The following CELF4 variants were observed in gnomAD, a reference collection of about 807,000 sequenced individuals.
CELF4 encodes CUGBP Elav-like family member 4.
In CELF4, 18 loss-of-function variants were observed where a neutral mutation model predicts 59.9. The ratio of observed to expected loss-of-function variants is 0.30; its 90% CI spans 0.21 to 0.45. The LOEUF (loss-of-function observed/expected upper bound fraction) is 0.45. CELF4 is among the 20% of genes least tolerant of loss of function. The probability of loss-of-function intolerance (pLI) is 1.00; values close to 1 mark genes in which losing one functional copy is unlikely to be tolerated. For missense variants in CELF4, 456 were observed against 689.0 expected, an observed-to-expected ratio of 0.66 and a Z score of 3.79; for synonymous variants, 261 against 267.1, an observed-to-expected ratio of 0.98 and a Z score of 0.22.
chr18:37,354,949 C>G (rs1323777536), intron 2 of CELF4, among the ~76,000 whole-genome samples: 2 of 152,212 alleles, frequency 1.3e-5, no homozygotes, highest in Non-Finnish European at 2.9e-5. Context: ...AGGAAGAAGC[C>G]TTTGGTTTTC....
At chr18:37,512,198 T>C (rs1004343707) in intron 1 of CELF4, among the ~76,000 whole-genome samples, 2 of 152,160 alleles carry the variant, frequency 1.3e-5, no homozygotes, top group Non-Finnish European at 2.9e-5. Flanking sequence ...TGTCTTCAAG[T>C]CACTCTTCAG....
intron 2 of CELF4, among the ~76,000 whole-genome samples, chr18:37,413,634 AG>A (rs1320425850): frequency 6.6e-6 from 1 of 152,214 alleles, no homozygotes; most frequent in African/African-American, 2.4e-5. Flanking sequence ...AAAAAATCTC[AG>A]TCAACTGAAG....
intron 3 of CELF4, among the ~76,000 whole-genome samples, chr18:37,286,696 C>G (rs1018181769): frequency 4.6e-5 from 7 of 152,188 alleles, no homozygotes; most frequent in Non-Finnish European, 8.8e-5. Context: ...CCTTACTTGT[C>G]TAACCCGGGA....
intron 2 of CELF4, among the ~76,000 whole-genome samples, chr18:37,417,671 G>C (rs1379748561): frequency 1.3e-5 from 2 of 152,198 alleles, no homozygotes; most frequent in Non-Finnish European, 2.9e-5. Context: ...GGTCAAATAG[G>C]AGAGAGACGG....
At chr18:37,419,513 G>A (rs974319995) in intron 2 of CELF4, among the ~76,000 whole-genome samples, 8 of 152,136 alleles carry the variant, frequency 5.3e-5, no homozygotes, top group African/African-American at 1.2e-4. Context: ...AACTGGCATC[G>A]GACCAGGAAG....
intron 1 of CELF4, among the ~76,000 whole-genome samples, chr18:37,502,133 C>T (rs1028839854): frequency 1.2e-4 from 19 of 152,224 alleles, no homozygotes; most frequent in Middle Eastern, 6.8e-3. Flanking sequence ...GGTTGAGATG[C>T]GCACTCTGGA....
chr18:37,312,131 G>A (rs1271987), intron 3 of CELF4, among the ~76,000 whole-genome samples: 4,085 of 111,322 alleles, frequency 0.037, 56 homozygotes, highest in South Asian at 0.065. Flanking sequence ...AAAAAAAAAA[G>A]AAAAAAAAAA....
intron 11 of CELF4, among the ~76,000 whole-genome samples, chr18:37,255,295 AAG>A (rs1219147818): frequency 6.6e-6 from 1 of 151,750 alleles, no homozygotes; most frequent in African/African-American, 2.4e-5. Flanking sequence ...CTCTCCAAGA[AAG>A]AGAGCCCTTC....
chr18:37,551,334 TGA>T (rs1284619267), intron 1 of CELF4, among the ~76,000 whole-genome samples: 18 of 152,198 alleles, frequency 1.2e-4, no homozygotes, highest in Admixed American at 1.2e-3. Context: ...CCCCCTGGGC[TGA>T]GTTTCTCTTC....
chr18:37,255,490 T>C (rs748091628), intron 11 of CELF4, among the ~76,000 whole-genome samples: 5 of 151,330 alleles, frequency 3.3e-5, no homozygotes, highest in Middle Eastern at 3.4e-3. Flanking sequence ...TGTATAAATA[T>C]AGATACCAGA....
chr18:37,490,108 A>C (rs2099896193), intron 1 of CELF4, among the ~76,000 whole-genome samples: 1 of 152,240 alleles, frequency 6.6e-6, no homozygotes, highest in African/African-American at 2.4e-5. Flanking sequence ...ATGTACCAGC[A>C]TGGAAAGCCA....
intron 1 of CELF4, among the ~76,000 whole-genome samples, chr18:37,530,333 C>A (rs2099968236): frequency 6.6e-6 from 1 of 152,090 alleles, no homozygotes; most frequent in Non-Finnish European, 1.5e-5. Flanking sequence ...TCTGGTGGGT[C>A]ATCTGGCTTC....
intron 1 of CELF4, among the ~76,000 whole-genome samples, chr18:37,528,658 T>G (rs1197160382): frequency 2.0e-5 from 3 of 152,124 alleles, no homozygotes; most frequent in African/African-American, 4.8e-5. Flanking sequence ...CGTGAGATAT[T>G]TCTAGAAGAA....
At chr18:37,337,787 C>G (rs555241790) in intron 2 of CELF4, among the ~76,000 whole-genome samples, 2 of 152,368 alleles carry the variant, frequency 1.3e-5, no homozygotes, top group South Asian at 4.1e-4. Context: ...ACTCTACCTA[C>G]TTCCACCTCT....
chr18:37,320,818 G>C (rs890979935), intron 3 of CELF4, among the ~76,000 whole-genome samples: 2 of 152,160 alleles, frequency 1.3e-5, no homozygotes, highest in Non-Finnish European at 2.9e-5. Flanking sequence ...GCAGGGGCCT[G>C]CACATTCTTC....
intron 2 of CELF4, among the ~76,000 whole-genome samples, chr18:37,431,362 CTTTTTTTTTT>C (rs35971960): frequency 2.5e-5 from 2 of 81,566 alleles, no homozygotes; most frequent in Non-Finnish European, 4.7e-5. Context: ...CCTTTCTTTC[CTTTTTTTTTT>C]TTTTTTTTTT....
chr18:37,361,783 C>A (rs192210386), intron 2 of CELF4, among the ~76,000 whole-genome samples: 1 of 151,382 alleles, frequency 6.6e-6, no homozygotes, highest in African/African-American at 2.4e-5. Flanking sequence ...AGACTACCCT[C>A]GGAGATGCCC....
At chr18:37,378,367 G>A (rs1358648944) in intron 2 of CELF4, among the ~76,000 whole-genome samples, 2 of 152,220 alleles carry the variant, frequency 1.3e-5, no homozygotes, top group Admixed American at 1.3e-4. Context: ...CAGGGAGGGG[G>A]CAGGCACAGA....
chr18:37,509,031 G>A (rs1421058875), intron 1 of CELF4, among the ~76,000 whole-genome samples: 2 of 152,100 alleles, frequency 1.3e-5, no homozygotes, highest in African/African-American at 2.4e-5. Flanking sequence ...GCCCCATCTC[G>A]ATTGTTCTGG....
Sources: allele counts gnomAD v4.1 joint callset (sites outside exome capture counted in the v4.1 genomes callset), GRCh38; gene constraint gnomAD v4.1.1; transcripts MANE v1.5; gene names NCBI Gene and HGNC (gene_info 2026-07-23, HGNC 2026-07-21).